Variants in NKAIN3 observed in about 807,000 individuals in gnomAD.
NKAIN3 encodes the protein sodium/potassium transporting ATPase interacting 3.
NKAIN3 carries 25 observed loss-of-function variants against 30.2 expected under a neutral mutation model. That is an observed-to-expected ratio of 0.83 (90% CI 0.60 to 1.16). The LOEUF (loss-of-function observed/expected upper bound fraction) is 1.16, where lower values mean the gene tolerates loss of function less well. Ranked by LOEUF, NKAIN3 falls within the 50% of genes most tolerant of loss-of-function variation. NKAIN3 has a pLI of 0.00. For missense variants in NKAIN3, 225 were observed against 254.1 expected (o/e 0.89, Z 0.78); for synonymous variants, 91 against 89.6 (o/e 1.02, Z -0.09).
At chr8:62,365,397 T>A (rs1188926354) in intron 1 of NKAIN3, among the ~76,000 whole-genome samples, 2 of 152,190 alleles carry the variant, frequency 1.3e-5, no homozygotes, top group African/African-American at 4.8e-5. Context: ...ATTTAAATAT[T>A]AGTACATAAA....
rs570920333 is a variant in NKAIN3 at position 62,714,948 on chromosome 8, T to C, written c.274-31984T>C. 2.6e-5 allele frequency among the ~76,000 whole-genome samples: 4 copies of C among 152,178 alleles called. No individual in the cohort carries two copies. In the East Asian group the frequency reaches 7.7e-4, roughly 29 times the overall value. ...GCACTGCTATAAAGACCTGAGACTG[T>C]GTAATTTTTAAAGAAAAGAGGTTGA... On this transcript the variant is annotated intron_variant, in intron 3 of 6. Coordinates refer to ENST00000623646, the MANE Select transcript of NKAIN3 (RefSeq NM_001304533.3).
chr8:62,805,632 A>T (rs1389973850), intron 4 of NKAIN3, among the ~76,000 whole-genome samples: 3 of 152,132 alleles, frequency 2.0e-5, no homozygotes, highest in African/African-American at 7.2e-5. Flanking sequence ...CCTTCCTTAC[A>T]CCTTATACAA....
At chr8:62,807,586 C>CTCCAG (rs1188098431) in intron 4 of NKAIN3, among the ~76,000 whole-genome samples, 1 of 140,830 alleles carries the variant, frequency 7.1e-6, no homozygotes, top group Non-Finnish European at 1.5e-5. Context: ...CAATGTCTCA[C>CTCCAG]TCTGTCACCA....
chr8:62,499,027 T>C (rs965603643), intron 1 of NKAIN3, among the ~76,000 whole-genome samples: 1 of 152,182 alleles, frequency 6.6e-6, no homozygotes, highest in East Asian at 1.9e-4. Flanking sequence ...GTCCATATTC[T>C]CTCATTTTTA....
At chr8:62,340,310 G>A (rs1815700187) in intron 1 of NKAIN3, among the ~76,000 whole-genome samples, 1 of 151,880 alleles carries the variant, frequency 6.6e-6, no homozygotes, top group Admixed American at 6.6e-5. Flanking sequence ...CTGGGTATGG[G>A]GCAGGTCACC....
chr8:62,741,412 AAGG>A (rs1815878328), intron 3 of NKAIN3, among the ~76,000 whole-genome samples: 1 of 133,848 alleles, frequency 7.5e-6, no homozygotes, highest in African/African-American at 3.3e-5. Flanking sequence ...GGAAGGAAGG[AAGG>A]AAGGAAGGCA....
At chr8:62,728,665 C>G (rs1371799946) in intron 3 of NKAIN3, among the ~76,000 whole-genome samples, 1 of 147,034 alleles carries the variant, frequency 6.8e-6, no homozygotes, top group East Asian at 2.1e-4. Flanking sequence ...AACTTCGTCT[C>G]AAAAAACAAA....
At chr8:62,576,369 C>T (rs937210942) in intron 1 of NKAIN3, among the ~76,000 whole-genome samples, 1 of 152,012 alleles carries the variant, frequency 6.6e-6, no homozygotes, top group Non-Finnish European at 1.5e-5. Flanking sequence ...TTTAGATTTT[C>T]TTTATTTCTC....
intron 1 of NKAIN3, among the ~76,000 whole-genome samples, chr8:62,451,348 T>G (rs1663446838): frequency 7.4e-6 from 1 of 134,454 alleles, no homozygotes; most frequent in Non-Finnish European, 1.6e-5. Context: ...TGTCCTCTCC[T>G]CTTCTCTTCA....
At chr8:62,560,669 A>G (rs1364418714) in intron 1 of NKAIN3, among the ~76,000 whole-genome samples, 1 of 149,852 alleles carries the variant, frequency 6.7e-6, no homozygotes, top group Non-Finnish European at 1.5e-5. Flanking sequence ...CCTCCCAAGT[A>G]GCTGAGATTA....
chr8:62,421,577 C>T (rs1418766956), intron 1 of NKAIN3, among the ~76,000 whole-genome samples: 1 of 151,596 alleles, frequency 6.6e-6, no homozygotes, highest in Admixed American at 6.6e-5. Flanking sequence ...GAAAATGCTG[C>T]GGGAGGAGGA....
chr8:62,426,363 TA>T (rs1804808457), intron 1 of NKAIN3, among the ~76,000 whole-genome samples: 2 of 151,990 alleles, frequency 1.3e-5, no homozygotes, highest in South Asian at 4.1e-4. Flanking sequence ...TGTAATTTTT[TA>T]AAAGCTAGTT....
intron 1 of NKAIN3, among the ~76,000 whole-genome samples, chr8:62,275,709 TG>T (rs1812929021): frequency 6.6e-6 from 1 of 152,248 alleles, no homozygotes; most frequent in South Asian, 2.1e-4. Flanking sequence ...GAATCACATT[TG>T]GCATATTACA....
chr8:62,257,789 A>G (rs1217626927), intron 1 of NKAIN3, among the ~76,000 whole-genome samples: 1 of 152,220 alleles, frequency 6.6e-6, no homozygotes, highest in Non-Finnish European at 1.5e-5. Flanking sequence ...AGAAGTATTT[A>G]TATATACCTG....
chr8:62,816,417 C>A (rs1432055781), intron 4 of NKAIN3, among the ~76,000 whole-genome samples: 2 of 152,118 alleles, frequency 1.3e-5, no homozygotes, highest in Non-Finnish European at 2.9e-5. Flanking sequence ...AAGCATGCAG[C>A]AACTCTGCCT....
At chr8:62,823,044 C>T (rs1818899007) in intron 4 of NKAIN3, among the ~76,000 whole-genome samples, 1 of 152,154 alleles carries the variant, frequency 6.6e-6, no homozygotes, top group Admixed American at 6.5e-5. Flanking sequence ...GTACAGAGCA[C>T]TTAGCATGAG....
intron 4 of NKAIN3, among the ~76,000 whole-genome samples, chr8:62,776,325 T>G (rs1817190694): frequency 6.6e-6 from 1 of 152,094 alleles, no homozygotes; most frequent in Admixed American, 6.6e-5. Context: ...TATTTTAATT[T>G]ATTTTCTGAG....
intron 1 of NKAIN3, among the ~76,000 whole-genome samples, chr8:62,502,310 T>A (rs1162609488): frequency 6.6e-6 from 1 of 152,186 alleles, no homozygotes; most frequent in Non-Finnish European, 1.5e-5. Flanking sequence ...ACATCTTCAC[T>A]ACTCCTTACC....
rs186031444 is a variant in NKAIN3, at chr8:62,834,434, C to T, written c.472-84019C>T. 1.3e-3 allele frequency among the ~76,000 whole-genome samples: 202 copies of T among 152,190 alleles called. 3 individuals carry two copies. The highest frequency in any genetic ancestry group is 1.5e-5 in the Non-Finnish European group (1 of 67,986). On this transcript the variant is annotated intron_variant, in intron 4 of 6. Coordinates refer to ENST00000623646, the MANE Select transcript of NKAIN3 (RefSeq NM_001304533.3). Reference sequence around the variant, plus strand: ...TTCTATACCTAGAAAACTTTAAAGACTCTACCCAAAGATGCCTAGAACTGA... The same window carrying T: ...TTCTATACCTAGAAAACTTTAAAGATTCTACCCAAAGATGCCTAGAACTGA...
Sources: gnomAD v4.1 joint callset for allele counts (sites outside exome capture counted in the v4.1 genomes callset) on GRCh38, gnomAD v4.1.1 for gene constraint, MANE v1.5 for transcripts, NCBI Gene and HGNC (gene_info 2026-07-23, HGNC 2026-07-21) for gene names.